SGCZ: variants seen among roughly 807,000 people sequenced by gnomAD.
The protein encoded by SGCZ is sarcoglycan zeta.
A neutral mutation model predicts 41.3 loss-of-function variants in SGCZ; 40 were observed. The ratio of observed to expected loss-of-function variants is 0.97; its 90% CI spans 0.75 to 1.26. The LOEUF is 1.26. SGCZ is among the 50% of genes most tolerant of loss of function. The pLI, the probability that SGCZ is intolerant of heterozygous loss-of-function variation, is 0.00. For synonymous variants in SGCZ, 206 were observed against 137.5 expected, an observed-to-expected ratio of 1.50 and a Z score of -3.49; for missense variants, 552 against 369.8, an observed-to-expected ratio of 1.49 and a Z score of -4.04.
At chr8:15,083,794 A>G (rs1442347525) in intron 1 of SGCZ, among the ~76,000 whole-genome samples, 1 of 152,010 alleles carries the variant, frequency 6.6e-6, no homozygotes, top group Admixed American at 6.6e-5. Context: ...GGGTCTCCCT[A>G]CGTTCCCCAG....
intron 3 of SGCZ, among the ~76,000 whole-genome samples, chr8:14,304,919 G>C (rs1396519074): frequency 6.6e-6 from 1 of 152,074 alleles, no homozygotes; most frequent in East Asian, 1.9e-4. Context: ...ACAGAATCAA[G>C]CTTCAGAGGT....
At chr8:15,198,788 C>T (rs1037430606) in intron 1 of SGCZ, among the ~76,000 whole-genome samples, 17 of 152,146 alleles carry the variant, frequency 1.1e-4, no homozygotes, top group Non-Finnish European at 2.4e-4. Context: ...AGCTCAATGT[C>T]GCACAGCTAA....
At chr8:14,779,647 A>C (rs535839471) in intron 1 of SGCZ, among the ~76,000 whole-genome samples, 1 of 152,348 alleles carries the variant, frequency 6.6e-6, no homozygotes, top group South Asian at 2.1e-4. Flanking sequence ...ACTGAAGTGA[A>C]AATATTCTTT....
intron 2 of SGCZ, among the ~76,000 whole-genome samples, chr8:14,421,255 C>G (rs1400319353): frequency 1.3e-5 from 2 of 152,040 alleles, no homozygotes; most frequent in Non-Finnish European, 2.9e-5. Context: ...TCCTGCCACA[C>G]CTTCTCTTTT....
intron 1 of SGCZ, among the ~76,000 whole-genome samples, chr8:14,670,146 C>A (rs1233506151): frequency 6.6e-6 from 1 of 152,090 alleles, no homozygotes; most frequent in Non-Finnish European, 1.5e-5. Flanking sequence ...GTTCCTGTAT[C>A]TTTAAGATTT....
At chr8:14,220,035 T>C (rs1806138088) in intron 4 of SGCZ, among the ~76,000 whole-genome samples, 1 of 152,212 alleles carries the variant, frequency 6.6e-6, no homozygotes, top group African/African-American at 2.4e-5. Flanking sequence ...TTGAGCCTAG[T>C]TATAGTGACT....
intron 2 of SGCZ, among the ~76,000 whole-genome samples, chr8:14,437,237 C>G (rs984726942): frequency 1.3e-5 from 2 of 152,044 alleles, no homozygotes; most frequent in Non-Finnish European, 2.9e-5. Flanking sequence ...GACAGACCAA[C>G]GGATTTTAAC....
chr8:14,996,298 T>C (rs1802215814), intron 1 of SGCZ, among the ~76,000 whole-genome samples: 2 of 152,214 alleles, frequency 1.3e-5, no homozygotes, highest in African/African-American at 4.8e-5. Context: ...TACAAAATTA[T>C]TGAAAAGCAT....
chr8:14,742,308 C>CGT (rs952921506), intron 1 of SGCZ, among the ~76,000 whole-genome samples: 51 of 152,036 alleles, frequency 3.4e-4, no homozygotes, highest in East Asian at 3.9e-4. Flanking sequence ...CACGTGCACG[C>CGT]GCGCTCACAC....
intron 1 of SGCZ, among the ~76,000 whole-genome samples, chr8:15,036,412 G>C (rs1184831140): frequency 6.6e-6 from 1 of 152,054 alleles, no homozygotes; most frequent in Admixed American, 6.6e-5. Context: ...GGAGGGTATA[G>C]AGTTGGAGGA....
intron 4 of SGCZ, among the ~76,000 whole-genome samples, chr8:14,190,657 C>T (rs1029825372): frequency 5.3e-5 from 8 of 152,046 alleles, no homozygotes; most frequent in African/African-American, 9.7e-5. Context: ...GGCTGGAGTG[C>T]AGTGACGCGA....
chr8:14,985,723 C>T (rs1173625471), intron 1 of SGCZ, among the ~76,000 whole-genome samples: 1 of 152,174 alleles, frequency 6.6e-6, no homozygotes, highest in African/African-American at 2.4e-5. Flanking sequence ...ATCAGAAAAA[C>T]AACACAGGCT....
intron 2 of SGCZ, among the ~76,000 whole-genome samples, chr8:14,482,704 G>T (rs1056682857): frequency 2.0e-5 from 3 of 152,010 alleles, no homozygotes; most frequent in Admixed American, 1.3e-4. Context: ...CCCAATGAGG[G>T]TGGGGATCAT....
intron 1 of SGCZ, among the ~76,000 whole-genome samples, chr8:14,645,478 TTATATG>T (rs1807179968): frequency 9.4e-6 from 1 of 106,594 alleles, no homozygotes; most frequent in African/African-American, 2.9e-5. Flanking sequence ...ATATATATAT[TTATATG>T]TATATATATA....
intron 1 of SGCZ, among the ~76,000 whole-genome samples, chr8:15,147,777 C>G (rs545109845): frequency 6.6e-6 from 1 of 152,114 alleles, no homozygotes; most frequent in Non-Finnish European, 1.5e-5. Flanking sequence ...TCACACTCTT[C>G]GAAGGGCACT....
chr8:14,874,500 A>G (rs1210644026), intron 1 of SGCZ, among the ~76,000 whole-genome samples: 2 of 152,166 alleles, frequency 1.3e-5, no homozygotes, highest in South Asian at 2.1e-4. Context: ...ACTGACTTTT[A>G]TCAAACCCAC....
intron 1 of SGCZ, among the ~76,000 whole-genome samples, chr8:14,660,081 G>C (rs1266412936): frequency 2.6e-5 from 4 of 152,108 alleles, no homozygotes; most frequent in Admixed American, 2.0e-4. Context: ...AACCTTGCTG[G>C]TGCCTTGAAA....
chr8:15,223,137 A>C (rs1462191055), intron 1 of SGCZ, among the ~76,000 whole-genome samples: 1 of 152,188 alleles, frequency 6.6e-6, no homozygotes, highest in Non-Finnish European at 1.5e-5. Context: ...AGAACCGAAT[A>C]GTCTCTGGAT....
intron 3 of SGCZ, among the ~76,000 whole-genome samples, chr8:14,282,847 C>CTTTTTTTTTTTTTTT (rs1168778028): frequency 2.2e-5 from 2 of 89,930 alleles, no homozygotes; most frequent in African/African-American, 4.6e-5. Context: ...CTTTCAAATA[C>CTTTTTTTTTTTTTTT]TTTTTTTTTT....
Sources: gnomAD v4.1 joint callset for allele counts (sites outside exome capture counted in the v4.1 genomes callset) on GRCh38, gnomAD v4.1.1 for gene constraint, MANE v1.5 for transcripts, NCBI Gene and HGNC (gene_info 2026-07-23, HGNC 2026-07-21) for gene names.